RTN4: variants seen among roughly 807,000 people sequenced by gnomAD.
RTN4 encodes the protein reticulon-4.
In RTN4, 32 loss-of-function variants were observed where a neutral mutation model predicts 90.4. That is an observed-to-expected ratio of 0.35 (90% CI 0.27 to 0.48). The LOEUF is 0.48. RTN4 is among the 20% of genes least tolerant of loss of function. RTN4 has a pLI of 0.99. For missense variants in RTN4, 1,706 were observed against 1,430.2 expected, an observed-to-expected ratio of 1.19 and a Z score of -3.11; for synonymous variants, 629 against 552.5, an observed-to-expected ratio of 1.14 and a Z score of -1.94.
At chr2:55,028,313 A>G (rs967819321) in intron 1 of RTN4, 93 bp from the exon 2 acceptor site, 15 of 1,110,098 alleles carry the variant, frequency 1.4e-5, no homozygotes, top group African/African-American at 3.2e-5. Context: ...TCAGTTTGTA[A>G]TAAGTTAACA....
At chr2:55,118,411 G>A in the RTN4 span, among the ~76,000 whole-genome samples, 73 of 152,012 alleles carry the variant, frequency 4.8e-4, 1 homozygote, top group Non-Finnish European at 8.2e-4. Flanking sequence ...GCTGCAGCGA[G>A]CTGTGTTCAC....
intron 2 of RTN4, among the ~76,000 whole-genome samples, chr2:55,060,162 C>CA (rs1668264894): frequency 1.3e-5 from 2 of 152,002 alleles, no homozygotes; most frequent in African/African-American, 4.8e-5. Flanking sequence ...AACAATCTCC[C>CA]AAAAAACACA....
intron 3 of RTN4, among the ~76,000 whole-genome samples, chr2:54,996,497 T>G (rs1006390499): frequency 6.6e-6 from 1 of 152,206 alleles, no homozygotes; most frequent in Non-Finnish European, 1.5e-5. Context: ...ACAGGTAGAT[T>G]AGTGGAATAC....
chr2:55,087,033 T>C (rs1668854315), intron 1 of RTN4, among the ~76,000 whole-genome samples: 1 of 152,176 alleles, frequency 6.6e-6, no homozygotes, highest in African/African-American at 2.4e-5. Flanking sequence ...CTCTATATTA[T>C]GTCTGTGAGA....
chr2:55,115,103 G>A (rs1028464818), upstream of RTN4, among the ~76,000 whole-genome samples: 4 of 152,138 alleles, frequency 2.6e-5, no homozygotes, highest in African/African-American at 9.7e-5. Flanking sequence ...ATGCATATTA[G>A]CTTTTTGTGG....
intron 2 of RTN4, among the ~76,000 whole-genome samples, chr2:55,068,350 T>C (rs780917205): frequency 1.2e-4 from 19 of 152,154 alleles, no homozygotes; most frequent in African/African-American, 4.1e-4. Context: ...CATAGACTTA[T>C]TGATATCTTC....
intron 3 of RTN4, among the ~76,000 whole-genome samples, chr2:54,994,864 T>G (rs1679292237): frequency 6.6e-6 from 1 of 152,258 alleles, no homozygotes; most frequent in Admixed American, 6.5e-5. Context: ...AAATGACATG[T>G]AACAGAACCA....
chr2:55,087,738 C>A (rs573747701), intron 1 of RTN4, among the ~76,000 whole-genome samples: 1 of 151,896 alleles, frequency 6.6e-6, no homozygotes, highest in Admixed American at 6.6e-5. Flanking sequence ...TTCAGCTATA[C>A]TAGATATTGG....
At chr2:55,004,883 C>T (rs531744060) in intron 3 of RTN4, among the ~76,000 whole-genome samples, 27 of 151,952 alleles carry the variant, frequency 1.8e-4, no homozygotes, top group Non-Finnish European at 3.5e-4. Flanking sequence ...AAATGAAAAC[C>T]GAGAGATGGG....
intron 1 of RTN4, among the ~76,000 whole-genome samples, chr2:55,038,701 T>C (rs1682859001): frequency 6.6e-6 from 1 of 152,224 alleles, no homozygotes; most frequent in African/African-American, 2.4e-5. Flanking sequence ...GTTAAGCAAC[T>C]TCTTATAAAG....
At chr2:55,061,029 T>C (rs533524003) in intron 2 of RTN4, among the ~76,000 whole-genome samples, 4 of 152,100 alleles carry the variant, frequency 2.6e-5, no homozygotes, top group South Asian at 4.2e-4. Context: ...ATGACATTCT[T>C]CGTCTAAATT....
At chr2:55,021,240 A>G (rs1439890287) in intron 3 of RTN4, among the ~76,000 whole-genome samples, 3 of 151,826 alleles carry the variant, frequency 2.0e-5, no homozygotes, top group Non-Finnish European at 2.9e-5. Flanking sequence ...GTACACTTGA[A>G]CCTCCCTTTC....
chr2:55,106,493 AT>A (rs1667945906), intron 1 of RTN4, among the ~76,000 whole-genome samples: 1 of 151,962 alleles, frequency 6.6e-6, no homozygotes, highest in Non-Finnish European at 1.5e-5. Flanking sequence ...TTCTAGATAC[AT>A]TTTGTTGCAA....
rs575067272 is a variant in RTN4, at chr2:55,010,377, G to GC, written c.3013+14708_3013+14709insG. The GC allele has an allele frequency of 3.6e-4, 463 of 1,292,168 alleles. No homozygotes were observed. In the African/African-American group the frequency reaches 5.8e-3, roughly 16 times the overall value. 80.0% of individuals were successfully genotyped at this position (1,292,168 alleles called of 1,614,324 possible). A position where few individuals can be genotyped will look rare whatever the true frequency, so the allele number is the denominator to read the frequency against. ...AATGCTTTCCTTCTATCTGTTGATT[G>GC]TTTTAGGCATTTGCCTTGTTGCTCA... On this transcript the variant is annotated intron_variant, in intron 3 of 8. Transcript: ENST00000337526.
chr2:54,993,109 A>G (rs1679153787), intron 3 of RTN4, among the ~76,000 whole-genome samples: 2 of 151,736 alleles, frequency 1.3e-5, no homozygotes, highest in African/African-American at 2.4e-5. Flanking sequence ...GAAATTAAAC[A>G]TATAACTATG....
chr2:55,127,761 G>A, the RTN4 span, among the ~76,000 whole-genome samples: 75 of 152,162 alleles, frequency 4.9e-4, no homozygotes, highest in Admixed American at 1.5e-3. Context: ...TACCTCTGTG[G>A]AGGGGGCCAT....
At chr2:55,010,054 A>G (rs1363730249) in intron 3 of RTN4, 2 of 1,608,128 alleles carry the variant, frequency 1.2e-6, no homozygotes, top group Middle Eastern at 1.6e-4. Flanking sequence ...GTCACATATA[A>G]AAACTGAATA....
At chr2:55,011,725 G>T (rs569902387) in intron 3 of RTN4, among the ~76,000 whole-genome samples, 1 of 152,130 alleles carries the variant, frequency 6.6e-6, no homozygotes, top group African/African-American at 2.4e-5. Flanking sequence ...CTTAAACATA[G>T]AAAGAACTAA....
At chr2:54,974,836 A>G (rs1255780875) in intron 5 of RTN4, 72 bp from the exon 6 acceptor site, 1 of 1,330,278 alleles carries the variant, frequency 7.5e-7, no homozygotes, top group Non-Finnish European at 1.1e-6. Flanking sequence ...TTTCAAAAGC[A>G]TCCCATCTAA....
Sources: gnomAD v4.1 joint callset for allele counts (sites outside exome capture counted in the v4.1 genomes callset) on GRCh38, gnomAD v4.1.1 for gene constraint, MANE v1.5 for transcripts, NCBI Gene and HGNC (gene_info 2026-07-23, HGNC 2026-07-21) for gene names.